Variants in TMC1 observed in about 807,000 individuals in gnomAD.
TMC1 encodes the protein transmembrane channel-like protein 1.
In TMC1, 84 loss-of-function variants were observed where a neutral mutation model predicts 105.8. The observed-to-expected ratio is 0.79, with a 90% confidence interval of 0.67 to 0.95. The LOEUF is 0.95. TMC1 is among the 40% of genes least tolerant of loss of function. The pLI is 0.00. For missense variants in TMC1, 817 were observed against 914.1 expected (o/e 0.89, Z 1.37); for synonymous variants, 315 against 311.5 (o/e 1.01, Z -0.12).
intron 2 of TMC1, among the ~76,000 whole-genome samples, chr9:72,580,083 G>T (rs182253612): frequency 3.8e-4 from 58 of 152,294 alleles, no homozygotes; most frequent in Non-Finnish European, 1.5e-5. Context: ...GTGGTCCGTG[G>T]ACTAGCAGAA....
At chr9:72,635,776 G>A (rs1490887529) in intron 4 of TMC1, among the ~76,000 whole-genome samples, 1 of 152,170 alleles carries the variant, frequency 6.6e-6, no homozygotes, top group African/African-American at 2.4e-5. Context: ...AAATAGTGGA[G>A]ACTGTGATTA....
intron 9 of TMC1, chr9:72,741,469 G>A: frequency 3.3e-6 from 1 of 302,668 alleles, no homozygotes; most frequent in Non-Finnish European, 6.3e-6. Context: ...CCATCTTCCA[G>A]TTTCTTGCCA....
intron 5 of TMC1, among the ~76,000 whole-genome samples, chr9:72,683,498 T>G (rs991334207): frequency 2.7e-5 from 4 of 150,936 alleles, no homozygotes; most frequent in Non-Finnish European, 5.9e-5. Context: ...TTCATAAGAA[T>G]GCTGCCTTTT....
chr9:72,836,069 C>T lies in TMC1; in HGVS notation c.*96C>T, dbSNP rs752820446. Reference sequence around the variant, plus strand: ...CCAGAGAACAAGCACTGTGGAACTGCTATTTTCCTGTTCTACCCTTGATGG... The same window carrying T: ...CCAGAGAACAAGCACTGTGGAACTGTTATTTTCCTGTTCTACCCTTGATGG... On this transcript the variant is annotated 3_prime_UTR_variant, in exon 24 of 24. Transcript: ENST00000297784. 4 of 1,398,586 alleles carry T rather than the reference C, an allele frequency of 2.9e-6. No individual in the cohort carries two copies. In the South Asian group the frequency reaches 3.4e-5, roughly 12 times the overall value. The allele number at this position is 1,398,586 out of a possible 1,614,324, so 86.6% of individuals were successfully genotyped here.
At chr9:72,648,983 G>T (rs1053807430) in intron 5 of TMC1, among the ~76,000 whole-genome samples, 1 of 152,206 alleles carries the variant, frequency 6.6e-6, no homozygotes, top group Non-Finnish European at 1.5e-5. Flanking sequence ...TCAAATGCGG[G>T]CTTTATTCCA....
At chr9:72,773,973 G>A (rs950743754) in intron 13 of TMC1, among the ~76,000 whole-genome samples, 10 of 152,142 alleles carry the variant, frequency 6.6e-5, no homozygotes, top group Admixed American at 1.3e-4. Flanking sequence ...TACAAACAAA[G>A]CACTTAGAAT....
At chr9:72,623,570 A>G (rs946898820) in intron 3 of TMC1, among the ~76,000 whole-genome samples, 2 of 152,104 alleles carry the variant, frequency 1.3e-5, no homozygotes, top group Non-Finnish European at 2.9e-5. Context: ...AGAATGCACA[A>G]ACTTTTATGG....
intron 12 of TMC1, among the ~76,000 whole-genome samples, chr9:72,760,967 A>G (rs1564537003): frequency 6.6e-6 from 1 of 152,156 alleles, no homozygotes; most frequent in African/African-American, 2.4e-5. Flanking sequence ...GACAAACACC[A>G]TACACAACAT....
intron 17 of TMC1, among the ~76,000 whole-genome samples, chr9:72,804,018 GT>G (rs2118234400): frequency 6.6e-6 from 1 of 152,198 alleles, no homozygotes; most frequent in African/African-American, 2.4e-5. Flanking sequence ...TAAAGAAAAT[GT>G]GCTATATGTA....
intron 13 of TMC1, among the ~76,000 whole-genome samples, chr9:72,781,316 G>A (rs868282004): frequency 4.6e-5 from 7 of 152,078 alleles, no homozygotes; most frequent in African/African-American, 1.7e-4. Flanking sequence ...CCCAGTTAAA[G>A]CAGTTTAAAA....
chr9:72,822,800 C>T (rs2118305506), intron 20 of TMC1, among the ~76,000 whole-genome samples: 1 of 152,250 alleles, frequency 6.6e-6, no homozygotes, highest in African/African-American at 2.4e-5. Flanking sequence ...CTCAGTAAAA[C>T]ATAGCAAAGG....
intron 3 of TMC1, among the ~76,000 whole-genome samples, chr9:72,622,528 G>A (rs572083300): frequency 5.3e-5 from 8 of 152,206 alleles, no homozygotes; most frequent in African/African-American, 1.9e-4. Flanking sequence ...GGGCCTCTTA[G>A]AGTCCTCCTT....
intron 23 of TMC1, among the ~76,000 whole-genome samples, chr9:72,832,258 G>A (rs927644878): frequency 5.9e-5 from 9 of 151,844 alleles, no homozygotes; most frequent in African/African-American, 1.7e-4. Flanking sequence ...AGCATTCAGG[G>A]CACTTTTTAT....
chr9:72,801,904 G>A (rs1235684266), intron 17 of TMC1, among the ~76,000 whole-genome samples: 3 of 152,184 alleles, frequency 2.0e-5, no homozygotes, highest in African/African-American at 7.2e-5. Flanking sequence ...TTATGTGAAA[G>A]TTAGGTCACT....
At chr9:72,620,526 C>T (rs897648933) in intron 3 of TMC1, among the ~76,000 whole-genome samples, 5 of 152,182 alleles carry the variant, frequency 3.3e-5, no homozygotes, top group Non-Finnish European at 7.3e-5. Flanking sequence ...GCTGGCATTA[C>T]AGTCCTGAAC....
chr9:72,765,009 C>T (rs1356352362), intron 12 of TMC1, among the ~76,000 whole-genome samples: 6 of 152,116 alleles, frequency 3.9e-5, no homozygotes, highest in Non-Finnish European at 7.4e-5. Flanking sequence ...GTAAAGAGAA[C>T]CTCTATTTCC....
chr9:72,607,443 C>T (rs1009709986), intron 2 of TMC1, among the ~76,000 whole-genome samples: 2 of 148,432 alleles, frequency 1.3e-5, no homozygotes, highest in African/African-American at 5.0e-5. Context: ...CATGGTGAAA[C>T]CCCGTCTCTA....
chr9:72,743,959 A>G (rs1588061165), intron 10 of TMC1, among the ~76,000 whole-genome samples: 1 of 152,152 alleles, frequency 6.6e-6, no homozygotes, highest in African/African-American at 2.4e-5. Context: ...TCCTCTCTAG[A>G]TTGGAGGCAG....
chr9:72,825,172 G>A (rs1828932015), intron 20 of TMC1, among the ~76,000 whole-genome samples: 1 of 152,102 alleles, frequency 6.6e-6, no homozygotes, highest in Admixed American at 6.5e-5. Flanking sequence ...ACTGCTTATT[G>A]TGCACTAAGC....
Sources: allele counts gnomAD v4.1 joint callset (sites outside exome capture counted in the v4.1 genomes callset), GRCh38; gene constraint gnomAD v4.1.1; transcripts MANE v1.5; gene names NCBI Gene and HGNC (gene_info 2026-07-23, HGNC 2026-07-21).